DDX39A: variants seen among roughly 807,000 people sequenced by gnomAD.
DDX39A encodes the protein ATP-dependent RNA helicase DDX39A.
Under a neutral mutation model 46.3 loss-of-function variants are expected in DDX39A, and 13 were observed. The ratio of observed to expected loss-of-function variants is 0.28; its 90% confidence interval spans 0.18 to 0.45. The LOEUF (loss-of-function observed/expected upper bound fraction) is 0.45, where lower values mean the gene tolerates loss of function less well. Among genes scored for constraint, DDX39A ranks in the 20% least tolerant of loss-of-function variants. DDX39A has a pLI of 1.00. For synonymous variants in DDX39A, 234 were observed against 224.6 expected, an observed-to-expected ratio of 1.04 and a Z score of -0.38; for missense variants, 352 against 581.8, an observed-to-expected ratio of 0.61 and a Z score of 4.06.
chr19:14,412,425 C>T lies in DDX39A; in HGVS notation c.336+126G>A, dbSNP rs755157185. The T allele has an allele frequency of 6.1e-5, 83 of 1,369,024 alleles. No individual in the cohort carries two copies. The highest frequency in any genetic ancestry group is 1.7e-4 in the Admixed American group (8 of 46,582). The allele number at this position is 1,369,024 out of a possible 1,614,324, so 84.8% of individuals were successfully genotyped here. The stretch of plus-strand genomic sequence containing the variant: ...CACACTGCAGCCTCGACTTCCTGGG[C>T]TCAAGCAATCCTCCAGCCTCAGCTT... On this transcript the variant is annotated intron_variant, in intron 3 of 10. Transcript: ENST00000242776. The surrounding 1 kb of genome is among the most constrained non-coding windows in gnomAD (Gnocchi z 4.4).
Position 14,411,939 on chromosome 19 carries a change from GC to G in DDX39A, c.337-342del, listed in dbSNP as rs1334556705. ...TTTCCTGAATCTCGGCACTCGGGCG[GC>G]CCCGGTCTTCCCACCCGTGCCATCA... On this transcript the variant is annotated intron_variant, in intron 3 of 10. Coordinates refer to ENST00000242776, the MANE Select transcript of DDX39A (RefSeq NM_005804.4). This position sits in a 1 kb window ranked among gnomAD's most constrained non-coding sequence, Gnocchi z 4.1. Among the ~76,000 whole-genome samples the G allele has an allele frequency of 6.6e-6, 1 of 152,172 alleles. No homozygotes were observed. The highest frequency in any genetic ancestry group is 2.4e-5 in the African/African-American group (1 of 41,436).
intron 1 of DDX39A, among the ~76,000 whole-genome samples, chr19:14,415,062 G>C (rs1976754079): frequency 6.6e-6 from 1 of 151,834 alleles, no homozygotes; most frequent in Admixed American, 6.6e-5. Flanking sequence ...ACTACCACAT[G>C]TGCAATTTTA....
Position 14,409,655 on chromosome 19 carries a change from G to A in DDX39A, c.865-10C>T. 2 of 1,608,876 alleles carry A rather than the reference G, an allele frequency of 1.2e-6. No individual in the cohort carries two copies. Among genetic ancestry groups the A allele is most frequent in the Non-Finnish European group, 1.7e-6 (2 of 1,176,342 alleles). On this transcript the variant is annotated splice_polypyrimidine_tract_variant and intron_variant, in intron 7 of 10. Coordinates refer to ENST00000242776, the MANE Select transcript of DDX39A (RefSeq NM_005804.4). The surrounding 1 kb of genome is among the most constrained non-coding windows in gnomAD (Gnocchi z 8.3). ...TGACGAAGATTATCACCTGAGGGAA[G>A]GAGTGGCAGTCAGGGCCACACAGTC... is the stretch of plus-strand genomic sequence containing the variant.
Position 14,409,315 on chromosome 19 carries a change from G to A in DDX39A, c.1107C>T (p.Thr369=), listed in dbSNP as rs1976452114. 2.5e-6 allele frequency: 4 copies of A among 1,614,242 alleles called. No homozygotes were observed. The highest frequency in any genetic ancestry group is 1.3e-5 in the African/African-American group (1 of 75,074). ...FNYDMPEDSD[T]YLHRVARAGR... is the part of the protein sequence containing the mutation. The stretch of plus-strand genomic sequence containing the variant: ...TGAGGCTGCTCACCCGGTGCAGGTA[G>A]GTGTCCGAGTCCTCAGGCATGTCGT... The change falls in exon 9 of 11, where the codon ACC becomes ACT. Residue 369 remains threonine, a synonymous_variant. Transcript: ENST00000242776. The surrounding 1 kb of genome is among the most constrained non-coding windows in gnomAD (Gnocchi z 8.3).
chr19:14,410,588 C>T lies in DDX39A; in HGVS notation c.614-254G>A, dbSNP rs1315171468. On this transcript the variant is annotated intron_variant, in intron 5 of 10. Coordinates refer to ENST00000242776, the MANE Select transcript of DDX39A (RefSeq NM_005804.4). This position sits in a 1 kb window ranked among gnomAD's most constrained non-coding sequence, Gnocchi z 4.3. ...AGCCGTGCCCGTGCGCCTCGAGCCA[C>T]GCTTCAGGGAGGGGAGCCTGAGGCA... 5 of 537,076 alleles carry T rather than the reference C, an allele frequency of 9.3e-6. No homozygotes were observed. Among genetic ancestry groups the T allele is most frequent in the Admixed American group, 3.1e-5 (1 of 31,804 alleles). 33.3% of individuals were successfully genotyped at this position (537,076 alleles called of 1,614,324 possible).
intron 1 of DDX39A, among the ~76,000 whole-genome samples, chr19:14,417,851 C>A (rs1976874777): frequency 6.6e-6 from 1 of 151,698 alleles, no homozygotes; most frequent in Non-Finnish European, 1.5e-5. Flanking sequence ...GAGGGAGACC[C>A]TTTCTCAAGA....
rs764791178 is a variant in DDX39A at position 14,409,208 on chromosome 19, C to T, written c.1120-24G>A. ...ACCTGCAGGCAGACAGGATCAGGGTCAGGCCACAGATACTACCTCAGGACT... is the reference window on the plus strand; with the variant it reads ...ACCTGCAGGCAGACAGGATCAGGGTTAGGCCACAGATACTACCTCAGGACT... On this transcript the variant is annotated intron_variant, in intron 9 of 10. Transcript: ENST00000242776. This position sits in a 1 kb window ranked among gnomAD's most constrained non-coding sequence, Gnocchi z 8.3. 2 of 1,613,942 alleles carry T rather than the reference C, an allele frequency of 1.2e-6. No homozygotes were observed. Among genetic ancestry groups the T allele is most frequent in the South Asian group, 1.1e-5 (1 of 91,056 alleles).
chr19:14,410,800 C>T lies in DDX39A; in HGVS notation c.613+189G>A, dbSNP rs1457780707. The T allele has an allele frequency of 1.6e-5, 9 of 572,950 alleles. No homozygotes were observed. In the South Asian group the frequency reaches 1.7e-4, roughly 11 times the overall value. The allele number at this position is 572,950 out of a possible 1,614,324, so 35.5% of individuals were successfully genotyped here. ...CAGGAGGGACGGGGGCTTGCTTGGGCCCCGTGGTCCCATTCGGCTCGGGCT... is the reference window on the plus strand; with the variant it reads ...CAGGAGGGACGGGGGCTTGCTTGGGTCCCGTGGTCCCATTCGGCTCGGGCT... On this transcript the variant is annotated intron_variant, in intron 5 of 10. Transcript: ENST00000242776. This position sits in a 1 kb window ranked among gnomAD's most constrained non-coding sequence, Gnocchi z 4.3.
intron 1 of DDX39A, chr19:14,418,818 G>A: frequency 2.4e-6 from 1 of 423,180 alleles, no homozygotes; most frequent in Non-Finnish European, 4.7e-6. Flanking sequence ...GTAAAAAGTA[G>A]ACCAAGAAGA....
rs988787873 is a variant in DDX39A, at chr19:14,413,223, T to G, written c.-3A>C. 1.1e-5 allele frequency: 18 copies of G among 1,613,294 alleles called. No homozygotes were observed. The highest frequency in any genetic ancestry group is 1.5e-5 in the Non-Finnish European group (18 of 1,179,664). ...TTTTCCACATCCTGTTCTGCCATGATGCTGAGAAGAGAGAGAGGCAGGGTC... is the reference window on the plus strand; with the variant it reads ...TTTTCCACATCCTGTTCTGCCATGAGGCTGAGAAGAGAGAGAGGCAGGGTC... On this transcript the variant is annotated splice_region_variant and 5_prime_UTR_variant, in exon 2 of 11. Transcript: ENST00000242776.
chr19:14,419,055 C>A, intron 1 of DDX39A: 3 of 447,652 alleles, frequency 6.7e-6, no homozygotes, highest in South Asian at 4.7e-5. Flanking sequence ...CCCCGAGCCC[C>A]GAGCACCGCG....
chr19:14,418,120 C>CAAAAAAAA (rs60701169), intron 1 of DDX39A, among the ~76,000 whole-genome samples: 8 of 52,346 alleles, frequency 1.5e-4, no homozygotes, highest in African/African-American at 4.5e-4. Context: ...GGCTCTGTCT[C>CAAAAAAAA]AAAAAAAAAA....
chr19:14,409,481 G>C lies in DDX39A; in HGVS notation c.975-34C>G, dbSNP rs1281174985. The C allele has an allele frequency of 6.2e-7, 1 of 1,612,332 alleles. No individual in the cohort carries two copies. Among genetic ancestry groups the C allele is most frequent in the South Asian group, 1.1e-5 (1 of 91,076 alleles). ...CAGGAGAAACAAGTGGAGGCCGTCAGACACTGGGCTCCTGGTGGTGCTCCC... is the reference window on the plus strand; with the variant it reads ...CAGGAGAAACAAGTGGAGGCCGTCACACACTGGGCTCCTGGTGGTGCTCCC... On this transcript the variant is annotated intron_variant, in intron 8 of 10. Transcript: ENST00000242776. The surrounding 1 kb of genome is among the most constrained non-coding windows in gnomAD (Gnocchi z 8.3).
chr19:14,414,761 C>T (rs935895391), intron 1 of DDX39A, among the ~76,000 whole-genome samples: 3 of 150,812 alleles, frequency 2.0e-5, no homozygotes, highest in African/African-American at 7.3e-5. Context: ...GTCAGGAGTT[C>T]GAGACCAGCC....
Position 14,412,806 on chromosome 19 carries a change from C to T in DDX39A, c.209-128G>A. Reference sequence around the variant, plus strand: ...CCGAGTCCGGACAAGGCCACAGACACCTGCAGGGCTGGGGTATCCGCCTGG... The same window carrying T: ...CCGAGTCCGGACAAGGCCACAGACATCTGCAGGGCTGGGGTATCCGCCTGG... On this transcript the variant is annotated intron_variant, in intron 2 of 10. Transcript: ENST00000242776. The surrounding 1 kb of genome is among the most constrained non-coding windows in gnomAD (Gnocchi z 4.4). The T allele has an allele frequency of 7.3e-7, 1 of 1,373,086 alleles. No homozygotes were observed. Among genetic ancestry groups the T allele is most frequent in the Non-Finnish European group, 9.8e-7 (1 of 1,017,868 alleles). 85.1% of individuals were successfully genotyped at this position (1,373,086 alleles called of 1,614,324 possible).
In DDX39A at chr19:14,409,918, G is replaced by A; in HGVS notation, c.733-45C>T. On this transcript the variant is annotated intron_variant, in intron 6 of 10. Transcript: ENST00000242776. This position sits in a 1 kb window ranked among gnomAD's most constrained non-coding sequence, Gnocchi z 8.3. Reference sequence around the variant, plus strand: ...GGAGGGGCGGGCAGGGATCACCTCTGGGCATCTCGCCTGCCCAGAACCTTC... The same window carrying A: ...GGAGGGGCGGGCAGGGATCACCTCTAGGCATCTCGCCTGCCCAGAACCTTC... The A allele has an allele frequency of 5.0e-6, 8 of 1,610,148 alleles. No individual in the cohort carries two copies. Among genetic ancestry groups the A allele is most frequent in the Non-Finnish European group, 6.8e-6 (8 of 1,179,618 alleles).
Position 14,418,120 on chromosome 19 carries a change from C to CAAAAAA in DDX39A, c.-5+1144_-5+1149dup, listed in dbSNP as rs60701169. Among the ~76,000 whole-genome samples, 160 of 52,332 alleles carry CAAAAAA rather than the reference C, an allele frequency of 3.1e-3. 5 individuals are homozygous for CAAAAAA. Among genetic ancestry groups the CAAAAAA allele is most frequent in the African/African-American group, 9.5e-3 (149 of 15,704 alleles). The allele number at this position is 52,332 out of a possible 152,430, so 34.3% of individuals were successfully genotyped here. A position where few individuals can be genotyped will look rare whatever the true frequency, so the allele number is the denominator to read the frequency against. ...TGGGCGACAGAGCAAGGCTCTGTCT[C>CAAAAAA]AAAAAAAAAAAAAAAAAAAAAAAAA... On this transcript the variant is annotated intron_variant, in intron 1 of 10. Transcript: ENST00000242776.
chr19:14,418,825 A>T (rs1028273825), intron 1 of DDX39A: 2 of 432,870 alleles, frequency 4.6e-6, no homozygotes, highest in African/African-American at 4.1e-5. Flanking sequence ...GTAGACCAAG[A>T]AGAAGGTAGA....
chr19:14,411,723 G>A lies in DDX39A; in HGVS notation c.337-125C>T, dbSNP rs773654315. The A allele has an allele frequency of 2.6e-5, 20 of 781,282 alleles. No individual in the cohort carries two copies. Among genetic ancestry groups the A allele is most frequent in the Non-Finnish European group, 3.8e-5 (18 of 468,512 alleles). The allele number at this position is 781,282 out of a possible 1,614,324, so 48.4% of individuals were successfully genotyped here. A position where few individuals can be genotyped will look rare whatever the true frequency, so the allele number is the denominator to read the frequency against. ...ACATCACAGGCCATTTGAAGGCCCG[G>A]TCCAAATGCCTCCCACTTCTCACGG... On this transcript the variant is annotated intron_variant, in intron 3 of 10. Transcript: ENST00000242776. The surrounding 1 kb of genome is among the most constrained non-coding windows in gnomAD (Gnocchi z 4.1).
Sources: gnomAD v4.1 joint callset for allele counts (sites outside exome capture counted in the v4.1 genomes callset) on GRCh38, gnomAD v4.1.1 for gene constraint, Gnocchi (gnomAD v3.1) non-coding constraint, MANE v1.5 for transcripts, NCBI Gene and HGNC (gene_info 2026-07-23, HGNC 2026-07-21) for gene names.